The following RELL1 variants were observed in gnomAD, a reference collection of about 807,000 sequenced individuals.
RELL1 encodes RELT like 1.
RELL1 carries 10 observed loss-of-function variants against 23.0 expected under a neutral mutation model. The ratio of observed to expected loss-of-function variants is 0.43; its 90% confidence interval spans 0.27 to 0.74. The LOEUF (loss-of-function observed/expected upper bound fraction) is 0.74, where lower values mean the gene tolerates loss of function less well. RELL1 is among the 30% of genes least tolerant of loss of function. The pLI is 0.19. For synonymous variants in RELL1, 146 were observed against 146.8 expected (o/e 0.99, Z 0.04); for missense variants, 315 against 364.4 (o/e 0.86, Z 1.10).
At chr4:37,630,344 CGT>C (rs1220684482) in intron 6 of RELL1, among the ~76,000 whole-genome samples, 23 of 140,200 alleles carry the variant, frequency 1.6e-4, no homozygotes, top group East Asian at 6.6e-4. Flanking sequence ...GGTTCTGGTG[CGT>C]GTGTGTGTGG....
rs563143483 is a variant in RELL1, at chr4:37,675,044, T to G, written c.88+11156A>C. 7.2e-5 allele frequency among the ~76,000 whole-genome samples: 11 copies of G among 152,334 alleles called. No homozygotes were observed. The East Asian group carries it at 1.7e-3, about 24-fold the overall frequency. Reference sequence around the variant, plus strand: ...GTTGTATCTCCCTCATGCCAAAATTTTATAAAAATCATTTCTAAGCCTAAT... The same window carrying G: ...GTTGTATCTCCCTCATGCCAAAATTGTATAAAAATCATTTCTAAGCCTAAT... On this transcript the variant is annotated intron_variant, in intron 1 of 6. Transcript: ENST00000454158.
At chr4:37,606,143 GGA>G (rs1376038028), downstream of RELL1, among the ~76,000 whole-genome samples, 2 of 143,520 alleles carry the variant, frequency 1.4e-5, no homozygotes, top group African/African-American at 2.6e-5. This position sits in a 1 kb window ranked among gnomAD's most constrained non-coding sequence, Gnocchi z 4.1. Flanking sequence ...AGGAAGGAAG[GGA>G]GAGAGAGAAA....
chr4:37,602,698 C>T (rs1052612852), intron 6 of RELL1, among the ~76,000 whole-genome samples: 3 of 152,196 alleles, frequency 2.0e-5, no homozygotes, highest in Non-Finnish European at 4.4e-5. Flanking sequence ...ATCCTTAAAA[C>T]TCCTGTGAGA....
chr4:37,649,597 T>C, intron 1 of RELL1, 97 bp from the exon 2 acceptor site: 5 of 1,102,060 alleles, frequency 4.5e-6, no homozygotes, highest in Non-Finnish European at 6.6e-6. Context: ...CAGGGTCTGC[T>C]CCCGAAACCA....
intron 6 of RELL1, among the ~76,000 whole-genome samples, chr4:37,630,509 T>C (rs1196597671): frequency 1.3e-5 from 2 of 151,550 alleles, no homozygotes. Flanking sequence ...GGACTACAGG[T>C]GCCCACCACT....
At chr4:37,685,662 G>A (rs149838556) in intron 1 of RELL1, among the ~76,000 whole-genome samples, 1 of 152,284 alleles carries the variant, frequency 6.6e-6, no homozygotes, top group East Asian at 1.9e-4. Context: ...GAAGAAATGT[G>A]GACTCCTTGA....
chr4:37,621,980 C>T (rs913626154), intron 6 of RELL1, among the ~76,000 whole-genome samples: 3 of 152,182 alleles, frequency 2.0e-5, no homozygotes, highest in African/African-American at 7.2e-5. Flanking sequence ...GTTTTTAGGT[C>T]CACTCAAAAA....
intron 6 of RELL1, among the ~76,000 whole-genome samples, chr4:37,630,812 C>T (rs1341945072): frequency 6.6e-6 from 1 of 151,904 alleles, no homozygotes; most frequent in Non-Finnish European, 1.5e-5. Flanking sequence ...AGAACTGTGA[C>T]ACAAAGAAAA....
chr4:37,669,342 T>C (rs1283665134), intron 1 of RELL1, among the ~76,000 whole-genome samples: 25 of 82,096 alleles, frequency 3.0e-4, no homozygotes, highest in South Asian at 4.6e-4. Context: ...GGCCAGCCGC[T>C]CCCTCCGGGA....
chr4:37,605,609 G>A (rs948800956), intron 6 of RELL1, among the ~76,000 whole-genome samples: 1 of 151,830 alleles, frequency 6.6e-6, no homozygotes, highest in Non-Finnish European at 1.5e-5. Flanking sequence ...AGGTGTGGTG[G>A]CGTATGCTTG....
chr4:37,659,734 C>CATCCACA (rs1323801043), intron 1 of RELL1, among the ~76,000 whole-genome samples: 8 of 152,224 alleles, frequency 5.3e-5, no homozygotes, highest in South Asian at 2.1e-4. Flanking sequence ...TCTGCAGCCT[C>CATCCACA]ATTCACTCTG....
chr4:37,656,923 T>G (rs1218108927), intron 1 of RELL1, among the ~76,000 whole-genome samples: 1 of 152,162 alleles, frequency 6.6e-6, no homozygotes, highest in African/African-American at 2.4e-5. Context: ...CTTTATAAAT[T>G]ACCCAGTCTT....
chr4:37,660,270 C>T (rs940899070), intron 1 of RELL1, among the ~76,000 whole-genome samples: 1 of 152,058 alleles, frequency 6.6e-6, no homozygotes, highest in Non-Finnish European at 1.5e-5. Flanking sequence ...CCCTGGGCCT[C>T]AGTTTCCTCA....
chr4:37,595,924 A>G (rs2109477466), intron 6 of RELL1, among the ~76,000 whole-genome samples: 1 of 152,326 alleles, frequency 6.6e-6, no homozygotes, highest in South Asian at 2.1e-4. Flanking sequence ...CTGGAAGAGA[A>G]GGAAAAAAAG....
downstream of RELL1, among the ~76,000 whole-genome samples, chr4:37,605,793 G>GAGAGAGAGAGAGAA (rs1269670059): frequency 9.6e-4 from 87 of 90,398 alleles, 3 homozygotes; most frequent in African/African-American, 3.1e-3. Context: ...GAGAAAGAAA[G>GAGAGAGAGAGAGAA]AGAAAGAAAG....
chr4:37,598,916 C>T (rs1199824980), intron 6 of RELL1, among the ~76,000 whole-genome samples: 1 of 152,102 alleles, frequency 6.6e-6, no homozygotes, highest in African/African-American at 2.4e-5. Flanking sequence ...AACTCCTGAG[C>T]TCAGGCAATC....
At chr4:37,667,656 A>G (rs149347705) in intron 1 of RELL1, among the ~76,000 whole-genome samples, 1 of 152,038 alleles carries the variant, frequency 6.6e-6, no homozygotes, top group East Asian at 1.9e-4. Context: ...CTACAATGAC[A>G]GAATGGCATT....
At chr4:37,640,404 T>C (rs1467422169) in intron 3 of RELL1, among the ~76,000 whole-genome samples, 1 of 152,240 alleles carries the variant, frequency 6.6e-6, no homozygotes, top group Non-Finnish European at 1.5e-5. Context: ...AATTTCCCTT[T>C]TGGCTAATAA....
chr4:37,635,551 CAGG>C (rs1223498680), intron 4 of RELL1, among the ~76,000 whole-genome samples: 2 of 152,006 alleles, frequency 1.3e-5, no homozygotes, highest in Non-Finnish European at 2.9e-5. Context: ...CACTTGAGCC[CAGG>C]AGTTCAAGGT....
Sources: allele counts gnomAD v4.1 joint callset (sites outside exome capture counted in the v4.1 genomes callset), GRCh38; gene constraint gnomAD v4.1.1; non-coding constraint Gnocchi (gnomAD v3.1); transcripts MANE v1.5; gene names NCBI Gene and HGNC (gene_info 2026-07-23, HGNC 2026-07-21).